The following HCN1 variants were observed in gnomAD, a reference collection of about 807,000 sequenced individuals.
The protein encoded by HCN1 is potassium/sodium hyperpolarization-activated cyclic nucleotide-gated channel 1.
In HCN1, 13 loss-of-function variants were observed where a neutral mutation model predicts 78.9. The observed-to-expected ratio is 0.16, with a 90% CI of 0.11 to 0.26. The LOEUF (loss-of-function observed/expected upper bound fraction) is 0.26. Among genes scored for constraint, HCN1 ranks in the 10% least tolerant of loss-of-function variants. The pLI, the probability that HCN1 is intolerant of heterozygous loss-of-function variation, is 1.00. For missense variants in HCN1, 810 were observed against 1,154.3 expected, an observed-to-expected ratio of 0.70 and a Z score of 4.32; for synonymous variants, 552 against 455.5, an observed-to-expected ratio of 1.21 and a Z score of -2.70.
At chr5:45,307,379 A>G (rs1745757936) in intron 5 of HCN1, among the ~76,000 whole-genome samples, 2 of 152,140 alleles carry the variant, frequency 1.3e-5, no homozygotes, top group Non-Finnish European at 2.9e-5. Flanking sequence ...TTCAAAGAAT[A>G]CAATAAGGAA....
At chr5:45,636,684 C>A (rs28405556) in intron 2 of HCN1, among the ~76,000 whole-genome samples, 40,974 of 151,814 alleles carry the variant, frequency 0.27, 5,627 homozygotes, top group East Asian at 0.32. Context: ...CCTGTCTGTA[C>A]AAAAGAAAAA....
chr5:45,581,648 T>C (rs1744075121), intron 2 of HCN1, among the ~76,000 whole-genome samples: 1 of 152,192 alleles, frequency 6.6e-6, no homozygotes, highest in Admixed American at 6.5e-5. Context: ...GTTTTTATGG[T>C]ATTAGGTCTA....
intron 1 of HCN1, among the ~76,000 whole-genome samples, chr5:45,668,284 G>A (rs756460079): frequency 2.0e-5 from 3 of 151,802 alleles, no homozygotes; most frequent in Non-Finnish European, 2.9e-5. Context: ...GGAGGGATTC[G>A]GTGGGAGGTG....
intron 2 of HCN1, among the ~76,000 whole-genome samples, chr5:45,467,570 C>A (rs1202111568): frequency 1.3e-5 from 2 of 152,022 alleles, no homozygotes; most frequent in East Asian, 1.9e-4. Flanking sequence ...TACTGGAGAG[C>A]AAACTGTGTA....
intron 6 of HCN1, 117 bp from the exon 7 acceptor site, chr5:45,267,370 C>T: frequency 1.2e-6 from 1 of 824,906 alleles, no homozygotes; most frequent in Non-Finnish European, 1.9e-6. Context: ...TTATTAGCAG[C>T]ATTTTCTATT....
intron 4 of HCN1, among the ~76,000 whole-genome samples, chr5:45,367,842 G>T (rs1424158725): frequency 6.6e-6 from 1 of 151,878 alleles, no homozygotes; most frequent in Non-Finnish European, 1.5e-5. Flanking sequence ...ATTGAGAGCA[G>T]CTGCTTACTA....
At chr5:45,570,614 T>C (rs1743807102) in intron 2 of HCN1, among the ~76,000 whole-genome samples, 1 of 152,156 alleles carries the variant, frequency 6.6e-6, no homozygotes, top group Admixed American at 6.6e-5. Flanking sequence ...TCATTTGACT[T>C]TTATACCTAC....
chr5:45,426,534 C>T (rs905085553), intron 3 of HCN1, among the ~76,000 whole-genome samples: 1 of 152,156 alleles, frequency 6.6e-6, no homozygotes, highest in Non-Finnish European at 1.5e-5. Flanking sequence ...GGGAGTTTCC[C>T]TGCACATACT....
At chr5:45,687,228 T>C (rs557356132) in intron 1 of HCN1, among the ~76,000 whole-genome samples, 2 of 152,300 alleles carry the variant, frequency 1.3e-5, no homozygotes, top group African/African-American at 4.8e-5. Context: ...TGTGTAATGA[T>C]CCTTGGACAG....
intron 1 of HCN1, among the ~76,000 whole-genome samples, chr5:45,656,982 T>C (rs1415236802): frequency 2.0e-5 from 3 of 152,072 alleles, no homozygotes; most frequent in East Asian, 1.9e-4. Context: ...TTATACTGCA[T>C]TGAAGTTTTC....
intron 2 of HCN1, among the ~76,000 whole-genome samples, chr5:45,504,624 A>T (rs1325063618): frequency 1.3e-5 from 2 of 152,156 alleles, no homozygotes; most frequent in East Asian, 3.9e-4. Context: ...CAGTAATGGG[A>T]TGGCTGGGTC....
In HCN1 at chr5:45,255,876, T is replaced by G. The variant is rs1579757598; in HGVS notation, c.*6045A>C. 9.3e-6 allele frequency: 1 copy of G among 107,688 alleles called. No individual in the cohort carries two copies. Among genetic ancestry groups the G allele is most frequent in the South Asian group, 3.2e-4 (1 of 3,098 alleles). 6.7% of individuals were successfully genotyped at this position (107,688 alleles called of 1,614,324 possible). On this transcript the variant is annotated 3_prime_UTR_variant, in exon 8 of 8. Transcript: ENST00000303230. ...TCTCTGTAGAAAACGATGCAACCTG[T>G]TTTTTTGCAAAATTCCGTTATTTAA...
At chr5:45,275,905 C>G (rs1421133266) in intron 6 of HCN1, among the ~76,000 whole-genome samples, 1 of 152,046 alleles carries the variant, frequency 6.6e-6, no homozygotes, top group Admixed American at 6.6e-5. Flanking sequence ...TTAAATCTAG[C>G]AGCACTCAAG....
At chr5:45,355,457 C>T (rs1405900073) in intron 4 of HCN1, among the ~76,000 whole-genome samples, 1 of 151,940 alleles carries the variant, frequency 6.6e-6, no homozygotes, top group Non-Finnish European at 1.5e-5. Context: ...TTAACAGGTC[C>T]TTCATACACA....
At position 45,353,047 on chromosome 5, in the gene HCN1, G is replaced by C. The variant is rs531707721; in HGVS notation, c.1377+53C>G. On this transcript the variant is annotated intron_variant, in intron 5 of 7. Coordinates refer to ENST00000303230, the MANE Select transcript of HCN1 (RefSeq NM_021072.4). The stretch of plus-strand genomic sequence containing the variant: ...TGGACTAGAAGATTCTCCATGAAGA[G>C]AGAAAATAAACAATGATTATGTATT... 2.8e-4 allele frequency: 415 copies of C among 1,458,656 alleles called. 1 individual carries two copies. The highest frequency in any genetic ancestry group is 7.4e-4 in the Admixed American group (44 of 59,378). The allele number at this position is 1,458,656 out of a possible 1,614,324, so 90.4% of individuals were successfully genotyped here. A position where few individuals can be genotyped will look rare whatever the true frequency, so the allele number is the denominator to read the frequency against.
chr5:45,319,138 T>C (rs1010865426), intron 5 of HCN1, among the ~76,000 whole-genome samples: 2 of 152,026 alleles, frequency 1.3e-5, no homozygotes, highest in Non-Finnish European at 2.9e-5. Flanking sequence ...ATAAAATAAA[T>C]GTCAGCTAAA....
At chr5:45,425,995 C>A (rs890549146) in intron 3 of HCN1, among the ~76,000 whole-genome samples, 4 of 152,136 alleles carry the variant, frequency 2.6e-5, no homozygotes, top group Non-Finnish European at 4.4e-5. Context: ...TGTTGTAATT[C>A]TGTGGGAATG....
At chr5:45,399,839 C>T (rs930214954) in intron 3 of HCN1, among the ~76,000 whole-genome samples, 5 of 151,916 alleles carry the variant, frequency 3.3e-5, no homozygotes, top group African/African-American at 7.3e-5. Context: ...TATGTATTTT[C>T]GCAAAAGTAA....
chr5:45,668,149 T>C (rs1746086451), intron 1 of HCN1, among the ~76,000 whole-genome samples: 1 of 151,974 alleles, frequency 6.6e-6, no homozygotes, highest in African/African-American at 2.4e-5. Flanking sequence ...AATTTCCTTA[T>C]ATGCCTAAGA....
Sources: gnomAD v4.1 joint callset for allele counts (sites outside exome capture counted in the v4.1 genomes callset) on GRCh38, gnomAD v4.1.1 for gene constraint, MANE v1.5 for transcripts, NCBI Gene and HGNC (gene_info 2026-07-23, HGNC 2026-07-21) for gene names.